Variants in NAV2 observed in about 807,000 individuals in gnomAD.
The protein encoded by NAV2 is helicase, APC down-regulated 1.
A neutral mutation model predicts 223.2 loss-of-function variants in NAV2; 54 were observed. The ratio of observed to expected loss-of-function variants is 0.24; its 90% CI spans 0.19 to 0.30. The LOEUF (loss-of-function observed/expected upper bound fraction) is 0.30. Among genes scored for constraint, NAV2 ranks in the 10% least tolerant of loss-of-function variants. The pLI is 1.00. For missense variants in NAV2, 2,806 were observed against 3,147.5 expected (o/e 0.89, Z 2.60); for synonymous variants, 1,279 against 1,239.3 (o/e 1.03, Z -0.67).
intron 26 of NAV2, among the ~76,000 whole-genome samples, chr11:20,086,835 A>AG (rs945131153): frequency 5.9e-5 from 9 of 152,230 alleles, no homozygotes; most frequent in East Asian, 5.8e-4. Context: ...GGAGACACAG[A>AG]GGGGGGCAGA....
At chr11:19,478,867 C>A (rs1027773276) in intron 1 of NAV2, among the ~76,000 whole-genome samples, 1 of 152,204 alleles carries the variant, frequency 6.6e-6, no homozygotes, top group Non-Finnish European at 1.5e-5. Context: ...AGAAACGAGG[C>A]TTTCCCCCTA....
chr11:19,640,095 A>AT (rs909723682), intron 1 of NAV2, among the ~76,000 whole-genome samples: 2 of 152,246 alleles, frequency 1.3e-5, no homozygotes, highest in Admixed American at 6.5e-5. Flanking sequence ...AAAAACAGCC[A>AT]TTTGGGCTTT....
intron 1 of NAV2, among the ~76,000 whole-genome samples, chr11:19,724,722 T>A (rs1033281817): frequency 6.6e-6 from 1 of 152,216 alleles, no homozygotes; most frequent in Non-Finnish European, 1.5e-5. Context: ...TGTATGAGGC[T>A]CAGAGGAGGT....
intron 36 of NAV2, among the ~76,000 whole-genome samples, chr11:20,108,916 C>A (rs1325719964): frequency 6.6e-6 from 1 of 152,164 alleles, no homozygotes; most frequent in East Asian, 1.9e-4. Flanking sequence ...TCACATGTGG[C>A]TGAATAATCC....
At chr11:20,080,769 A>G (rs1026969647) in intron 25 of NAV2, among the ~76,000 whole-genome samples, 3 of 152,220 alleles carry the variant, frequency 2.0e-5, no homozygotes, top group Admixed American at 2.0e-4. Flanking sequence ...TCAAATAGCA[A>G]GTTTAATAGA....
chr11:20,025,045 C>T (rs1357617848), intron 11 of NAV2, among the ~76,000 whole-genome samples: 2 of 152,212 alleles, frequency 1.3e-5, no homozygotes, highest in African/African-American at 4.8e-5. Context: ...CTGTTCTTAA[C>T]ATTGAGTCAA....
At chr11:19,694,888 ATCTGCTGACATGTTCC>A (rs2049283979) in intron 1 of NAV2, among the ~76,000 whole-genome samples, 1 of 152,108 alleles carries the variant, frequency 6.6e-6, no homozygotes, top group South Asian at 2.1e-4. Flanking sequence ...GTTCGGTGGG[ATCTGCTGACATGTTCC>A]TCCACTGTCC....
chr11:19,654,589 A>T (rs1336813210), intron 1 of NAV2, among the ~76,000 whole-genome samples: 1 of 152,210 alleles, frequency 6.6e-6, no homozygotes, highest in Non-Finnish European at 1.5e-5. Context: ...ATAATGCCAC[A>T]TATCTACAAC....
At chr11:19,851,419 T>G (rs2061117506) in intron 3 of NAV2, among the ~76,000 whole-genome samples, 1 of 152,066 alleles carries the variant, frequency 6.6e-6, no homozygotes, top group South Asian at 2.1e-4. Flanking sequence ...GGGAAGGAGA[T>G]GTGGGATAAG....
At chr11:19,742,453 G>T (rs935235888) in intron 1 of NAV2, among the ~76,000 whole-genome samples, 1 of 152,222 alleles carries the variant, frequency 6.6e-6, no homozygotes, top group African/African-American at 2.4e-5. Flanking sequence ...TTCACACATG[G>T]TCATCATCTA....
intron 4 of NAV2, among the ~76,000 whole-genome samples, chr11:19,872,118 G>A (rs1031613062): frequency 6.6e-6 from 1 of 152,036 alleles, no homozygotes; most frequent in East Asian, 1.9e-4. Context: ...CTTACAAAAA[G>A]CAAGGGTACT....
In NAV2 at chr11:19,966,225, T is replaced by C. The variant is rs117511628; in HGVS notation, c.2645+17145T>C. Among the ~76,000 whole-genome samples the C allele has an allele frequency of 4.8e-3, 738 of 152,340 alleles. 12 individuals are homozygous for C. Among genetic ancestry groups the C allele is most frequent in the South Asian group, 0.034 (165 of 4,824 alleles). ...GAGGATGGCAAGGTCACCTTGCATG[T>C]GGGATCCAGAGATGTTGCTGTGGTC... On this transcript the variant is annotated intron_variant, in intron 10 of 37. Transcript: ENST00000349880.
intron 6 of NAV2, among the ~76,000 whole-genome samples, chr11:19,907,534 G>GGGGC (rs1565536145): frequency 1.6e-4 from 24 of 152,104 alleles, no homozygotes; most frequent in Non-Finnish European, 2.4e-4. Context: ...TAGGGGGAGG[G>GGGGC]GGAATTTGAG....
At chr11:19,466,780 C>T (rs930654581) in intron 1 of NAV2, among the ~76,000 whole-genome samples, 4 of 152,078 alleles carry the variant, frequency 2.6e-5, no homozygotes, top group Admixed American at 1.3e-4. Context: ...CTCCCTGTCC[C>T]CTGCTTCAGT....
chr11:20,094,576 T>C (rs1194289869), intron 29 of NAV2, among the ~76,000 whole-genome samples: 1 of 152,168 alleles, frequency 6.6e-6, no homozygotes, highest in African/African-American at 2.4e-5. Context: ...GTGGATTATT[T>C]ATTCTAGTGA....
intron 6 of NAV2, among the ~76,000 whole-genome samples, chr11:19,907,186 T>G (rs999647940): frequency 1.3e-5 from 2 of 152,034 alleles, no homozygotes; most frequent in Admixed American, 6.5e-5. Context: ...TGTCCAAAAG[T>G]CAGAAATGAC....
intron 1 of NAV2, among the ~76,000 whole-genome samples, chr11:19,490,664 C>G (rs772593755): frequency 5.3e-5 from 8 of 152,202 alleles, no homozygotes; most frequent in African/African-American, 1.7e-4. Flanking sequence ...TTGAACCTCT[C>G]AAAGCCATCC....
intron 1 of NAV2, among the ~76,000 whole-genome samples, chr11:19,658,505 C>T (rs776242719): frequency 5.9e-4 from 90 of 152,118 alleles, no homozygotes; most frequent in Non-Finnish European, 1.8e-4. Flanking sequence ...CTTTTACTTA[C>T]CAGCCATAGT....
Position 19,351,862 on chromosome 11 carries a change from G to T in NAV2, c.75+835G>T, listed in dbSNP as rs112987679. ...TCTGATGTTCTTTCAGAGTGGTGTGGGTATCCCTCTCCTCCTGAGTCTCAA... is the reference window on the plus strand; with the variant it reads ...TCTGATGTTCTTTCAGAGTGGTGTGTGTATCCCTCTCCTCCTGAGTCTCAA... On this transcript the variant is annotated intron_variant, in intron 1 of 37. Coordinates refer to the NAV2 transcript ENST00000360655. Among the ~76,000 whole-genome samples, 12 of 141,298 alleles carry T rather than the reference G, an allele frequency of 8.5e-5. No individual in the cohort carries two copies. In the East Asian group the frequency reaches 2.7e-3, roughly 32 times the overall value. The allele number at this position is 141,298 out of a possible 152,430, so 92.7% of individuals were successfully genotyped here.
Sources: gnomAD v4.1 joint callset for allele counts (sites outside exome capture counted in the v4.1 genomes callset) on GRCh38, gnomAD v4.1.1 for gene constraint, MANE v1.5 for transcripts, NCBI Gene and HGNC (gene_info 2026-07-23, HGNC 2026-07-21) for gene names.